The following USP9Y variants were observed in gnomAD, a reference collection of about 807,000 sequenced individuals.
USP9Y encodes the protein ubiquitin specific peptidase 9 Y-linked, also known as ubiquitin carboxyl-terminal hydrolase 9Y.
In USP9Y, 41 loss-of-function variants were observed where a neutral mutation model predicts 53.1. The observed-to-expected ratio is 0.77, with a 90% CI of 0.60 to 1.00. USP9Y has a LOEUF of 1.00. USP9Y is among the 50% of genes least tolerant of loss of function. The probability of loss-of-function intolerance (pLI) is 0.00; values close to 1 mark genes in which losing one functional copy is unlikely to be tolerated. For missense variants in USP9Y, 567 were observed against 535.8 expected (o/e 1.06, Z -0.58); for synonymous variants, 220 against 173.7 (o/e 1.27, Z -2.09).
At chrY:12,758,714 A>T in intron 14 of USP9Y, 72 bp downstream of exon 14, 2 of 202,051 alleles carry the variant, frequency 9.9e-6, no homozygotes, top group Admixed American at 2.4e-4. Context: ...TATGAAAGCA[A>T]ATTTTAAAGA....
At chrY:12,722,385 T>C (rs577304176) in intron 5 of USP9Y, among the ~76,000 whole-genome samples, 198 bp downstream of exon 5, 6 of 31,140 alleles carry the variant, frequency 1.9e-4, no homozygotes, top group South Asian at 7.1e-4. Context: ...CACACACACA[T>C]ATATATATAT....
chrY:12,738,428 C>T, intron 11 of USP9Y, 119 bp downstream of exon 11: 1 of 169,369 alleles, frequency 5.9e-6, no homozygotes, highest in South Asian at 6.1e-5. Context: ...AATGCATGTG[C>T]TGTTCATGTA....
rs1005910975 is a variant in USP9Y, at chrY:12,701,378, T to C, written c.-798T>C. 8.7e-5 allele frequency: 3 copies of C among 34,662 alleles called. No individual in the cohort carries two copies. Among genetic ancestry groups the C allele is most frequent in the Admixed American group, 2.6e-4 (1 of 3,903 alleles). 8.6% of individuals were successfully genotyped at this position (34,662 alleles called of 400,897 possible). On this transcript the variant is annotated 5_prime_UTR_variant, in exon 1 of 46. An upstream open reading frame in the 5' UTR loses its in-frame stop. Coordinates refer to ENST00000338981, the MANE Select transcript of USP9Y (RefSeq NM_004654.4). ...GACCCTTGTGTATCAGCAGCATTTC[T>C]GACTGACTGAGAGAGTGTAGTGATT... is the stretch of plus-strand genomic sequence containing the variant.
chrY:12,711,000 C>T, intron 3 of USP9Y, among the ~76,000 whole-genome samples: 1 of 32,839 alleles, frequency 3.0e-5, no homozygotes, highest in Admixed American at 2.8e-4. Context: ...GAAACTGTTC[C>T]ACCTCAGAAC....
At chrY:12,792,818 C>T (rs2053509665) in intron 26 of USP9Y, among the ~76,000 whole-genome samples, 1 of 33,664 alleles carries the variant, frequency 3.0e-5, no homozygotes, top group African/African-American at 1.2e-4. Flanking sequence ...CAGTCACATC[C>T]AGAAGAACAT....
chrY:12,805,124 T>A, intron 27 of USP9Y, among the ~76,000 whole-genome samples: 1 of 33,163 alleles, frequency 3.0e-5, no homozygotes, highest in Non-Finnish European at 7.4e-5. Context: ...TTTCTTGAGC[T>A]TCTTGGTGTT....
At chrY:12,821,741 G>A (rs892581411) in intron 33 of USP9Y, among the ~76,000 whole-genome samples, 20 of 31,119 alleles carry the variant, frequency 6.4e-4, no homozygotes, top group African/African-American at 7.6e-4. Context: ...TCAAGAAACC[G>A]TCCTGCCTCA....
chrY:12,782,382 G>A (rs2053498958), intron 22 of USP9Y, among the ~76,000 whole-genome samples: 1 of 33,512 alleles, frequency 3.0e-5, no homozygotes, highest in Non-Finnish European at 7.4e-5. Context: ...GCTGCATAAT[G>A]GACATTGTGT....
intron 20 of USP9Y, 57 bp from the exon 21 acceptor site, chrY:12,778,549 A>G: frequency 2.7e-6 from 1 of 371,902 alleles, no homozygotes; most frequent in Non-Finnish European, 3.9e-6. Context: ...TCTAGTTCCC[A>G]TTACTTGTAG....
chrY:12,830,322 A>G, intron 33 of USP9Y, among the ~76,000 whole-genome samples: 1 of 33,792 alleles, frequency 3.0e-5, no homozygotes, highest in Non-Finnish European at 7.4e-5. Context: ...CCAGTAATCC[A>G]TTATGAACAT....
At chrY:12,824,023 T>A in intron 33 of USP9Y, among the ~76,000 whole-genome samples, 1 of 32,384 alleles carries the variant, frequency 3.1e-5, no homozygotes, top group East Asian at 8.0e-4. Flanking sequence ...TTTTCTTTCC[T>A]AGTTTGTTTA....
chrY:12,817,897 G>C, intron 32 of USP9Y, among the ~76,000 whole-genome samples: 1 of 33,691 alleles, frequency 3.0e-5, no homozygotes, highest in African/African-American at 1.2e-4. Flanking sequence ...AAACATGTTA[G>C]ATATTTGTAA....
At chrY:12,740,149 T>C in intron 12 of USP9Y, among the ~76,000 whole-genome samples, 1 of 33,692 alleles carries the variant, frequency 3.0e-5, no homozygotes. Flanking sequence ...GGAATAAATA[T>C]TTCAGTAAAT....
chrY:12,767,006 C>T (rs2053480590), intron 15 of USP9Y, among the ~76,000 whole-genome samples: 1 of 33,090 alleles, frequency 3.0e-5, no homozygotes, highest in Non-Finnish European at 7.4e-5. Flanking sequence ...TTTTTTTTGC[C>T]TGGGCACACG....
intron 15 of USP9Y, among the ~76,000 whole-genome samples, chrY:12,764,474 TTAAA>T (rs2053478700): frequency 3.0e-5 from 1 of 33,410 alleles, no homozygotes; most frequent in Admixed American, 2.7e-4. Context: ...CAGAAACACC[TTAAA>T]TAAGTGATCT....
At position 12,842,320 on chromosome Y, in the gene USP9Y, C is replaced by T; in HGVS notation, c.6293C>T (p.Ser2098Leu). The change falls in exon 38 of 46, where the codon TCA becomes TTA. Residue 2098 changes from serine to leucine, a missense_variant. Transcript: ENST00000338981. ...ACTCATAATGTCCTTTTTAATGTAT[C>T]AAATCGCTTCTCTGAATACCTTCTG... ...WFTHNVLFNV[S>L]NRFSEYLLEC... is the part of the protein sequence containing the mutation. 2.5e-6 allele frequency: 1 copy of T among 398,039 alleles called. No individual in the cohort carries two copies. The highest frequency in any genetic ancestry group is 3.5e-6 in the Non-Finnish European group (1 of 283,251).
At chrY:12,853,232 T>C in intron 42 of USP9Y, among the ~76,000 whole-genome samples, 1 of 33,968 alleles carries the variant, frequency 2.9e-5, no homozygotes, top group South Asian at 6.6e-4. Flanking sequence ...TACTCAAGCC[T>C]CAGCAATGGT....
chrY:12,832,716 G>C, intron 33 of USP9Y, among the ~76,000 whole-genome samples: 1 of 33,271 alleles, frequency 3.0e-5, no homozygotes, highest in Admixed American at 2.7e-4. Context: ...TCTAGAAAAG[G>C]CTACTTCAGA....
At chrY:12,799,999 C>T (rs2053517415) in intron 27 of USP9Y, among the ~76,000 whole-genome samples, 1 of 33,339 alleles carries the variant, frequency 3.0e-5, no homozygotes, top group African/African-American at 1.2e-4. Flanking sequence ...AGGTTTCCCT[C>T]GCCTTCCACC....
Sources: allele counts gnomAD v4.1 joint callset (sites outside exome capture counted in the v4.1 genomes callset), GRCh38; gene constraint gnomAD v4.1.1; transcripts MANE v1.5; gene names NCBI Gene and HGNC (gene_info 2026-07-23, HGNC 2026-07-21).